Variants in ADGRG2 observed in about 807,000 individuals in gnomAD.
The protein encoded by ADGRG2 is adhesion G protein-coupled receptor G2.
In ADGRG2, 26 loss-of-function variants were observed where a neutral mutation model predicts 74.1. The observed-to-expected ratio is 0.35, with a 90% confidence interval of 0.26 to 0.49. The LOEUF is 0.49. Ranked by LOEUF, ADGRG2 falls within the 20% of genes least tolerant of loss-of-function variation. The pLI is 0.99. For synonymous variants in ADGRG2, 296 were observed against 295.2 expected (o/e 1.00, Z -0.03); for missense variants, 619 against 763.1 (o/e 0.81, Z 2.22).
intron 1 of ADGRG2, among the ~76,000 whole-genome samples, chrX:19,118,996 A>G (rs1297368480): frequency 3.6e-5 from 4 of 111,983 alleles, no homozygotes; most frequent in African/African-American, 1.3e-4. Context: ...GAACAAAATT[A>G]TAGGGACAGC....
intron 1 of ADGRG2, among the ~76,000 whole-genome samples, chrX:19,094,051 T>C (rs1286069477): frequency 2.7e-5 from 3 of 111,691 alleles, no homozygotes. Context: ...AAATACTGCA[T>C]GTTCTTACTT....
chrX:19,047,505 T>C (rs2035885365), intron 3 of ADGRG2, among the ~76,000 whole-genome samples: 1 of 112,222 alleles, frequency 8.9e-6, no homozygotes, highest in Non-Finnish European at 1.9e-5. Context: ...GGTACTACTA[T>C]GAGTATTTAC....
intron 1 of ADGRG2, among the ~76,000 whole-genome samples, chrX:19,097,083 C>T (rs1387613110): frequency 8.9e-6 from 1 of 112,557 alleles, no homozygotes; most frequent in African/African-American, 3.2e-5. Flanking sequence ...TGCCACTCCA[C>T]CCAGCCCCTC....
intron 3 of ADGRG2, among the ~76,000 whole-genome samples, chrX:19,059,986 G>T (rs899423693): frequency 2.7e-5 from 3 of 111,350 alleles, no homozygotes; most frequent in Non-Finnish European, 5.7e-5. Flanking sequence ...TCAAAAATTA[G>T]CCAGGCGTGG....
intron 13 of ADGRG2, 59 bp from the exon 14 acceptor site, chrX:19,021,257 T>A: frequency 1.6e-6 from 1 of 630,891 alleles, no homozygotes. Context: ...ACTTACATAT[T>A]TGTAATTGCT....
chrX:19,061,209 G>A (rs1298503153), intron 3 of ADGRG2, among the ~76,000 whole-genome samples: 3 of 111,317 alleles, frequency 2.7e-5, no homozygotes, highest in Admixed American at 9.5e-5. Context: ...GACTGGGTTC[G>A]GATGAGCATA....
At chrX:19,065,484 T>C (rs2061554558) in intron 3 of ADGRG2, among the ~76,000 whole-genome samples, 1 of 111,408 alleles carries the variant, frequency 9.0e-6, no homozygotes, top group Non-Finnish European at 1.9e-5. Context: ...CCTTGAGTGA[T>C]CACTCAGCTT....
In ADGRG2 at chrX:18,995,071, G is replaced by GA. The variant is rs1214754030; in HGVS notation, c.2717-24dup. ...AGTCTACAGCAGAATAAGCATTACA[G>GA]AAAAACAGGGCAGTATGTTGAAGCT... On this transcript the variant is annotated intron_variant, in intron 27 of 28. Transcript: ENST00000379869. 5.3e-6 allele frequency: 6 copies of GA among 1,140,553 alleles called. No homozygotes were observed. In the East Asian group the frequency reaches 1.8e-4, roughly 35 times the overall value. 94.0% of individuals were successfully genotyped at this position (1,140,553 alleles called of 1,213,427 possible). A position where few individuals can be genotyped will look rare whatever the true frequency, so the allele number is the denominator to read the frequency against.
intron 1 of ADGRG2, among the ~76,000 whole-genome samples, chrX:19,112,135 G>A (rs1315617209): frequency 9.1e-6 from 1 of 110,344 alleles, no homozygotes; most frequent in Non-Finnish European, 1.9e-5. Flanking sequence ...GCAGTGGTCC[G>A]ATAATGGTTC....
At chrX:19,098,083 C>T (rs867864327) in intron 1 of ADGRG2, among the ~76,000 whole-genome samples, 2 of 112,663 alleles carry the variant, frequency 1.8e-5, no homozygotes, top group African/African-American at 3.2e-5. Context: ...TTTTGGCAGG[C>T]GCCAGGCCAA....
Position 19,021,146 on chromosome X carries a change from C to A in ADGRG2, c.601G>T (p.Ala201Ser). 1 of 1,131,418 alleles carries A rather than the reference C, an allele frequency of 8.8e-7. No individual in the cohort carries two copies. The highest frequency in any genetic ancestry group is 1.2e-6 in the Non-Finnish European group (1 of 823,073). The allele number at this position is 1,131,418 out of a possible 1,213,427, so 93.2% of individuals were successfully genotyped here. A position where few individuals can be genotyped will look rare whatever the true frequency, so the allele number is the denominator to read the frequency against. The change falls in exon 14 of 29, where the codon GCT becomes TCT. Residue 201 changes from alanine (A) to serine (S), a missense_variant. Around this residue, in one of 3 missense-constraint regions of ADGRG2, gnomAD observed 292 missense variants for 318.0 expected, o/e 0.92. Transcript: ENST00000379869. ...IKLNNTMNAC[A>S]VIAALERVKI... ...ACTCTTTCCAAAGCAGCTATTACAGCACATGCATTCATTGTATTATTCAGT... is the reference window on the plus strand; with the variant it reads ...ACTCTTTCCAAAGCAGCTATTACAGAACATGCATTCATTGTATTATTCAGT...
chrX:19,032,432 A>G (rs749176347), intron 8 of ADGRG2: 5 of 111,981 alleles, frequency 4.5e-5, no homozygotes, highest in Non-Finnish European at 9.4e-5. Flanking sequence ...TATGCTGTAA[A>G]TGTCCTTTAA....
At chrX:19,048,351 C>T (rs2061238938) in intron 3 of ADGRG2, among the ~76,000 whole-genome samples, 2 of 112,484 alleles carry the variant, frequency 1.8e-5, no homozygotes, top group Non-Finnish European at 3.8e-5. Context: ...CCGGGCACTG[C>T]GTAAATATTA....
At chrX:19,033,154 G>A (rs1259624148) in intron 8 of ADGRG2, 2 of 112,595 alleles carry the variant, frequency 1.8e-5, no homozygotes, top group African/African-American at 6.5e-5. Context: ...GAGCCAAGGA[G>A]GTTGAGGCTG....
intron 2 of ADGRG2, among the ~76,000 whole-genome samples, chrX:19,081,580 T>G: frequency 8.9e-6 from 1 of 112,209 alleles, no homozygotes; most frequent in Non-Finnish European, 1.9e-5. Flanking sequence ...ATTTACTGGC[T>G]GTGTGACCCT....
At chrX:19,036,441 TG>T (rs1236606193) in intron 6 of ADGRG2, 2 of 111,728 alleles carry the variant, frequency 1.8e-5, no homozygotes, top group African/African-American at 6.5e-5. Context: ...TTGGAGTAAA[TG>T]ACCATTATAT....
At chrX:19,005,580 G>A (rs867461991) in intron 22 of ADGRG2, among the ~76,000 whole-genome samples, 12 of 98,532 alleles carry the variant, frequency 1.2e-4, no homozygotes, top group African/African-American at 2.3e-4. Flanking sequence ...TTGAGATGGC[G>A]TCTCTCTCTG....
chrX:19,068,606 A>C, intron 3 of ADGRG2, 111 bp downstream of exon 3: 1 of 424,700 alleles, frequency 2.4e-6, no homozygotes, highest in Non-Finnish European at 4.1e-6. Context: ...AAATGGTTAA[A>C]ATGATAAATA....
chrX:19,018,811 T>C (rs2060523038), intron 15 of ADGRG2, among the ~76,000 whole-genome samples: 1 of 112,403 alleles, frequency 8.9e-6, no homozygotes, highest in Non-Finnish European at 1.9e-5. Flanking sequence ...ATACCATAGA[T>C]ATGCATATAA....
Sources: allele counts gnomAD v4.1 joint callset (sites outside exome capture counted in the v4.1 genomes callset), GRCh38; gene constraint gnomAD v4.1.1; regional missense constraint gnomAD v4.1.1; transcripts MANE v1.5; gene names NCBI Gene and HGNC (gene_info 2026-07-23, HGNC 2026-07-21).